The following GPC6 variants were observed in gnomAD, a reference collection of about 807,000 sequenced individuals.
The protein encoded by GPC6 is glypican 6.
In GPC6, 14 loss-of-function variants were observed where a neutral mutation model predicts 55.2. The observed-to-expected ratio is 0.25, with a 90% CI of 0.17 to 0.40. GPC6 has a LOEUF of 0.40. Ranked by LOEUF, GPC6 falls within the 10% of genes least tolerant of loss-of-function variation. GPC6 has a pLI of 1.00. For synonymous variants in GPC6, 278 were observed against 259.6 expected, an observed-to-expected ratio of 1.07 and a Z score of -0.68; for missense variants, 641 against 708.5, an observed-to-expected ratio of 0.90 and a Z score of 1.08.
At chr13:93,387,655 G>A (rs939553691) in intron 1 of GPC6, among the ~76,000 whole-genome samples, 3 of 152,238 alleles carry the variant, frequency 2.0e-5, no homozygotes, top group African/African-American at 4.8e-5. Context: ...ATTACCAAAC[G>A]ATCTCTATAG....
intron 3 of GPC6, among the ~76,000 whole-genome samples, chr13:94,002,278 T>C (rs1881840220): frequency 6.6e-6 from 1 of 152,080 alleles, no homozygotes; most frequent in South Asian, 2.1e-4. Context: ...ATAGGGGTGC[T>C]GCCGTGTCGG....
intron 2 of GPC6, among the ~76,000 whole-genome samples, chr13:93,747,256 C>T (rs900223620): frequency 5.3e-5 from 8 of 152,060 alleles, no homozygotes; most frequent in African/African-American, 9.7e-5. Context: ...GCAGTGGCAC[C>T]AGGATGTTAA....
At chr13:93,300,183 A>G (rs1410892224) in intron 1 of GPC6, among the ~76,000 whole-genome samples, 1 of 152,188 alleles carries the variant, frequency 6.6e-6, no homozygotes, top group Non-Finnish European at 1.5e-5. Flanking sequence ...ATCCAGGAAA[A>G]TATGGTGAAT....
At chr13:94,129,885 G>C (rs1886948549) in intron 4 of GPC6, among the ~76,000 whole-genome samples, 1 of 152,100 alleles carries the variant, frequency 6.6e-6, no homozygotes, top group Non-Finnish European at 1.5e-5. Flanking sequence ...AGGTCAGTAG[G>C]ATAAATGGAA....
chr13:93,454,855 G>T (rs1878378417), intron 1 of GPC6, among the ~76,000 whole-genome samples: 1 of 152,358 alleles, frequency 6.6e-6, no homozygotes, highest in Middle Eastern at 3.4e-3. Flanking sequence ...TGTCGAGGAG[G>T]CTTGGGCCGC....
chr13:93,873,423 T>G (rs924632159), intron 3 of GPC6, among the ~76,000 whole-genome samples: 5 of 151,976 alleles, frequency 3.3e-5, no homozygotes, highest in African/African-American at 1.2e-4. Flanking sequence ...TTTGGTATTC[T>G]GCTCTTGTTC....
At chr13:93,877,732 G>A (rs1206952708) in intron 3 of GPC6, among the ~76,000 whole-genome samples, 1 of 152,084 alleles carries the variant, frequency 6.6e-6, no homozygotes, top group Admixed American at 6.6e-5. Context: ...GTAATCACTA[G>A]GAGTTCTAGC....
chr13:93,234,884 T>C (rs1876181266), intron 1 of GPC6, among the ~76,000 whole-genome samples: 1 of 152,170 alleles, frequency 6.6e-6, no homozygotes, highest in Admixed American at 6.5e-5. Context: ...TCAGTGTCAC[T>C]GAGAGAAAGA....
chr13:94,333,100 T>C (rs1877509680), intron 6 of GPC6, among the ~76,000 whole-genome samples: 1 of 152,162 alleles, frequency 6.6e-6, no homozygotes, highest in African/African-American at 2.4e-5. Flanking sequence ...CGGTATACAT[T>C]ACCCTCTTAA....
Position 94,027,713 on chromosome 13 carries a change from T to C in GPC6, c.712-16T>C, listed in dbSNP as rs1196201785. Reference sequence around the variant, plus strand: ...TCTTATTTTTGATTTTCTTTTTCTTTGCAATAAATCTGCAGGTCAGCCCAA... The same window carrying C: ...TCTTATTTTTGATTTTCTTTTTCTTCGCAATAAATCTGCAGGTCAGCCCAA... On this transcript the variant is annotated splice_polypyrimidine_tract_variant and intron_variant, in intron 3 of 8. Transcript: ENST00000377047. 10 of 1,612,628 alleles carry C rather than the reference T, an allele frequency of 6.2e-6. No homozygotes were observed. Among genetic ancestry groups the C allele is most frequent in the Non-Finnish European group, 8.5e-6 (10 of 1,178,728 alleles).
chr13:94,249,407 G>A lies in GPC6; in HGVS notation c.878-36942G>A, dbSNP rs554480644. 3.3e-5 allele frequency among the ~76,000 whole-genome samples: 5 copies of A among 152,178 alleles called. No homozygotes were observed. The South Asian group carries it at 8.3e-4, about 25-fold the overall frequency. ...TGAGTGAATATAAATTTGGAAACTGGTGTTTCATTAAGTTTGTAGAGGCTT... is the reference window on the plus strand; with the variant it reads ...TGAGTGAATATAAATTTGGAAACTGATGTTTCATTAAGTTTGTAGAGGCTT... On this transcript the variant is annotated intron_variant, in intron 4 of 8. Transcript: ENST00000377047.
intron 1 of GPC6, among the ~76,000 whole-genome samples, chr13:93,524,869 A>G (rs1473667926): frequency 6.6e-6 from 1 of 152,072 alleles, no homozygotes. Flanking sequence ...GTACCTCGCC[A>G]TGTGTTGCTG....
intron 5 of GPC6, among the ~76,000 whole-genome samples, chr13:94,292,535 C>T (rs1875041798): frequency 6.6e-6 from 1 of 152,164 alleles, no homozygotes; most frequent in African/African-American, 2.4e-5. Flanking sequence ...TGCTTCCAAC[C>T]TCTCCTAGAG....
intron 3 of GPC6, chr13:93,830,805 G>A (rs1321209539): frequency 2.3e-6 from 1 of 428,690 alleles, no homozygotes; most frequent in Admixed American, 3.9e-5. Context: ...TAGCAGAGAA[G>A]CTTTTAGTAC....
chr13:94,270,251 T>C (rs907417481), intron 4 of GPC6, among the ~76,000 whole-genome samples: 1 of 152,204 alleles, frequency 6.6e-6, no homozygotes, highest in African/African-American at 2.4e-5. Flanking sequence ...AAATCTATCT[T>C]AAGTAGATAA....
chr13:93,412,648 C>G (rs188886644), intron 1 of GPC6, among the ~76,000 whole-genome samples: 110 of 152,198 alleles, frequency 7.2e-4, no homozygotes, highest in African/African-American at 2.5e-3. Context: ...CAGAGTGAGA[C>G]TCCATCTCAA....
intron 6 of GPC6, among the ~76,000 whole-genome samples, chr13:94,318,076 A>G (rs1454771856): frequency 6.6e-6 from 1 of 152,190 alleles, no homozygotes; most frequent in African/African-American, 2.4e-5. Flanking sequence ...GCAGCTTCCA[A>G]TAGCTCCTAA....
At chr13:93,791,501 G>C (rs9524215) in intron 2 of GPC6, among the ~76,000 whole-genome samples, 45,752 of 151,966 alleles carry the variant, frequency 0.3, 7,021 homozygotes, top group African/African-American at 0.33. Context: ...AGGAAACAAG[G>C]TTTATCACCA....
intron 2 of GPC6, among the ~76,000 whole-genome samples, chr13:93,764,769 G>A (rs1211830263): frequency 1.3e-5 from 2 of 152,026 alleles, no homozygotes; most frequent in East Asian, 1.9e-4. Flanking sequence ...CTAGAATTAA[G>A]TCATTCAGAA....
Sources: gnomAD v4.1 joint callset for allele counts (sites outside exome capture counted in the v4.1 genomes callset) on GRCh38, gnomAD v4.1.1 for gene constraint, MANE v1.5 for transcripts, NCBI Gene and HGNC (gene_info 2026-07-23, HGNC 2026-07-21) for gene names.